Variants in GRIK2 observed in about 807,000 individuals in gnomAD.
GRIK2 encodes the protein glutamate ionotropic receptor kainate type subunit 2.
A neutral mutation model predicts 100.3 loss-of-function variants in GRIK2; 32 were observed. That is an observed-to-expected ratio of 0.32 (90% CI 0.24 to 0.43). The LOEUF is 0.43. Among genes scored for constraint, GRIK2 ranks in the 20% least tolerant of loss-of-function variants. The pLI, the probability that GRIK2 is intolerant of heterozygous loss-of-function variation, is 1.00. For synonymous variants in GRIK2, 417 were observed against 389.4 expected (o/e 1.07, Z -0.83); for missense variants, 843 against 1,114.9 (o/e 0.76, Z 3.47).
At chr6:101,975,002 A>G (rs1793279580) in intron 14 of GRIK2, among the ~76,000 whole-genome samples, 1 of 152,038 alleles carries the variant, frequency 6.6e-6, no homozygotes, top group Non-Finnish European at 1.5e-5. Context: ...AAAATCTTAT[A>G]TAGAAATATT....
chr6:101,977,845 A>ATACTC (rs1178521686), intron 14 of GRIK2, among the ~76,000 whole-genome samples: 6 of 151,974 alleles, frequency 3.9e-5, no homozygotes, highest in African/African-American at 1.2e-4. Flanking sequence ...TTTCCTAGAA[A>ATACTC]TACTCTATTT....
intron 14 of GRIK2, among the ~76,000 whole-genome samples, chr6:101,986,170 C>A (rs1414088751): frequency 6.6e-6 from 1 of 151,794 alleles, no homozygotes; most frequent in Non-Finnish European, 1.5e-5. Context: ...TCTTTCAGAG[C>A]ACTCATAAAT....
intron 4 of GRIK2, among the ~76,000 whole-genome samples, chr6:101,638,003 ATTAT>A: frequency 6.6e-6 from 1 of 151,864 alleles, no homozygotes; most frequent in East Asian, 1.9e-4. Flanking sequence ...TATTTAGAAT[ATTAT>A]TTCTTGATGC....
At chr6:101,933,592 G>C (rs1582565249) in intron 14 of GRIK2, among the ~76,000 whole-genome samples, 1 of 151,940 alleles carries the variant, frequency 6.6e-6, no homozygotes, top group Non-Finnish European at 1.5e-5. Context: ...ATGATGATTT[G>C]ATTATTATCT....
intron 14 of GRIK2, among the ~76,000 whole-genome samples, chr6:102,022,714 A>G (rs1157105735): frequency 1.3e-5 from 2 of 151,606 alleles, no homozygotes. Context: ...TTTATAATCT[A>G]GTGTTCCATT....
chr6:101,581,811 G>T (rs572427508), intron 2 of GRIK2, among the ~76,000 whole-genome samples: 1 of 152,140 alleles, frequency 6.6e-6, no homozygotes, highest in Admixed American at 6.6e-5. Flanking sequence ...AATACTAAGG[G>T]GAAATAAGAT....
intron 2 of GRIK2, among the ~76,000 whole-genome samples, chr6:101,539,878 T>C (rs1201241202): frequency 6.6e-6 from 1 of 151,874 alleles, no homozygotes; most frequent in African/African-American, 2.4e-5. Context: ...TTTCTTCTCA[T>C]GCCTCAGTTT....
intron 2 of GRIK2, among the ~76,000 whole-genome samples, chr6:101,597,743 T>C (rs1225635036): frequency 1.3e-5 from 2 of 151,724 alleles, no homozygotes; most frequent in Non-Finnish European, 2.9e-5. Flanking sequence ...GCCTCACCCT[T>C]TTCTTCCATT....
intron 2 of GRIK2, among the ~76,000 whole-genome samples, chr6:101,593,019 T>G (rs952247411): frequency 6.6e-6 from 1 of 151,552 alleles, no homozygotes; most frequent in African/African-American, 2.4e-5. Context: ...TTAGCTGGAG[T>G]GGAGAGTTAG....
chr6:101,434,852 A>G (rs1219092889), intron 2 of GRIK2, among the ~76,000 whole-genome samples: 1 of 152,112 alleles, frequency 6.6e-6, no homozygotes, highest in African/African-American at 2.4e-5. Flanking sequence ...GGGAAACATA[A>G]ACCAAAGGAA....
Position 101,881,602 on chromosome 6 carries a change from C to T in GRIK2, c.1525-8038C>T, listed in dbSNP as rs550012542. Among the ~76,000 whole-genome samples, 8 of 151,450 alleles carry T rather than the reference C, an allele frequency of 5.3e-5. 1 individual carries two copies. In the East Asian group the frequency reaches 1.6e-3, roughly 29 times the overall value. On this transcript the variant is annotated intron_variant, in intron 11 of 16. Transcript: ENST00000369134. ...GAAATTTCTGCGTACTGATATTTTT[C>T]TAGGGAACAAAAGTAACTTGTCTAG...
At chr6:101,462,874 A>C (rs1156666730) in intron 2 of GRIK2, among the ~76,000 whole-genome samples, 1 of 152,190 alleles carries the variant, frequency 6.6e-6, no homozygotes, top group African/African-American at 2.4e-5. Flanking sequence ...GATTTAGATG[A>C]CTGCTGAGTA....
At chr6:101,918,097 A>T (rs1359862249) in intron 12 of GRIK2, among the ~76,000 whole-genome samples, 3 of 151,686 alleles carry the variant, frequency 2.0e-5, no homozygotes, top group African/African-American at 4.8e-5. Flanking sequence ...GAACAAAAAA[A>T]CCAGAATATT....
At chr6:101,748,322 CAG>C (rs1727935033) in intron 7 of GRIK2, among the ~76,000 whole-genome samples, 3 of 151,946 alleles carry the variant, frequency 2.0e-5, no homozygotes, top group South Asian at 2.1e-4. Flanking sequence ...TAGCACAAAA[CAG>C]ATAATTAAAT....
At chr6:101,493,224 C>G (rs956946843) in intron 2 of GRIK2, among the ~76,000 whole-genome samples, 1 of 151,990 alleles carries the variant, frequency 6.6e-6, no homozygotes, top group African/African-American at 2.4e-5. Context: ...AAAGGAGTAA[C>G]AGGGAAGATG....
chr6:101,750,989 A>G lies in GRIK2; in HGVS notation c.952-48659A>G, dbSNP rs548023869. 2.0e-5 allele frequency among the ~76,000 whole-genome samples: 3 copies of G among 152,342 alleles called. No homozygotes were observed. The South Asian group carries it at 6.2e-4, about 32-fold the overall frequency. On this transcript the variant is annotated intron_variant, in intron 7 of 16. Coordinates refer to ENST00000369134, the MANE Select transcript of GRIK2 (RefSeq NM_021956.5). ...TGTGAGATATTGTGGTACAGTGAAAAAAGTACTATATTTTGAAGCAAAACA... is the reference window on the plus strand; with the variant it reads ...TGTGAGATATTGTGGTACAGTGAAAGAAGTACTATATTTTGAAGCAAAACA...
intron 2 of GRIK2, among the ~76,000 whole-genome samples, chr6:101,568,704 C>A (rs1777396882): frequency 6.6e-6 from 1 of 151,946 alleles, no homozygotes; most frequent in Non-Finnish European, 1.5e-5. Context: ...AGCCTTGTGA[C>A]CATTTCTAAC....
At chr6:101,527,207 CA>C (rs1775198159) in intron 2 of GRIK2, among the ~76,000 whole-genome samples, 2 of 152,154 alleles carry the variant, frequency 1.3e-5, no homozygotes, top group Admixed American at 6.5e-5. Flanking sequence ...AGATCAGTCA[CA>C]TGTTTAAACA....
chr6:101,525,342 A>C (rs1490432785), intron 2 of GRIK2, among the ~76,000 whole-genome samples: 1 of 152,208 alleles, frequency 6.6e-6, no homozygotes, highest in Non-Finnish European at 1.5e-5. Flanking sequence ...ATTTGTGGTC[A>C]GCTGTATGGG....
Sources: gnomAD v4.1 joint callset for allele counts (sites outside exome capture counted in the v4.1 genomes callset) on GRCh38, gnomAD v4.1.1 for gene constraint, MANE v1.5 for transcripts, NCBI Gene and HGNC (gene_info 2026-07-23, HGNC 2026-07-21) for gene names.